FBXL7: variants seen among roughly 807,000 people sequenced by gnomAD.
The protein encoded by FBXL7 is F-box/LRR-repeat protein 7.
FBXL7 carries 12 observed loss-of-function variants against 38.3 expected under a neutral mutation model. That is an observed-to-expected ratio of 0.31 (90% CI 0.20 to 0.51). The LOEUF is 0.51. Ranked by LOEUF, FBXL7 falls within the 20% of genes least tolerant of loss-of-function variation. The pLI is 0.98. For missense variants in FBXL7, 567 were observed against 676.4 expected (o/e 0.84, Z 1.79); for synonymous variants, 297 against 300.9 (o/e 0.99, Z 0.13).
intron 2 of FBXL7, among the ~76,000 whole-genome samples, chr5:15,672,003 TG>T (rs1195839971): frequency 1.4e-4 from 22 of 152,356 alleles, no homozygotes; most frequent in African/African-American, 5.0e-4. Flanking sequence ...TCCCTGTTAC[TG>T]GGAGCTTCTA....
chr5:15,757,446 A>C (rs2964266), intron 2 of FBXL7, among the ~76,000 whole-genome samples: 79,637 of 151,272 alleles, frequency 0.53, 21,221 homozygotes, highest in East Asian at 0.67. Flanking sequence ...AATCTCAAAG[A>C]GAGTTATGGA....
At chr5:15,531,519 G>T (rs1365242776) in intron 1 of FBXL7, among the ~76,000 whole-genome samples, 2 of 152,182 alleles carry the variant, frequency 1.3e-5, no homozygotes, top group African/African-American at 4.8e-5. Flanking sequence ...TTCAGGAATG[G>T]CTGGTTGTTT....
intron 2 of FBXL7, among the ~76,000 whole-genome samples, chr5:15,739,223 G>T (rs1735833412): frequency 6.6e-6 from 1 of 151,782 alleles, no homozygotes; most frequent in Non-Finnish European, 1.5e-5. Flanking sequence ...CAGACTCCTT[G>T]CTGCTGACTT....
chr5:15,749,696 A>C (rs1736107998), intron 2 of FBXL7, among the ~76,000 whole-genome samples: 1 of 152,220 alleles, frequency 6.6e-6, no homozygotes, highest in Non-Finnish European at 1.5e-5. Context: ...ATCAGTAATG[A>C]AAATAGCTGA....
chr5:15,617,292 C>A (rs892844019), intron 2 of FBXL7, among the ~76,000 whole-genome samples: 4 of 152,142 alleles, frequency 2.6e-5, no homozygotes, highest in Non-Finnish European at 4.4e-5. Flanking sequence ...AGTGTTCTTT[C>A]TTTTCAGTGT....
chr5:15,888,384 C>T (rs911989092), intron 2 of FBXL7, among the ~76,000 whole-genome samples: 42 of 152,048 alleles, frequency 2.8e-4, no homozygotes, highest in African/African-American at 9.2e-4. Flanking sequence ...TGTGCCACCA[C>T]GCCTGGCTGA....
intron 1 of FBXL7, among the ~76,000 whole-genome samples, chr5:15,587,830 T>G (rs1739346666): frequency 6.6e-6 from 1 of 152,178 alleles, no homozygotes; most frequent in Non-Finnish European, 1.5e-5. Context: ...AATCTTAAAA[T>G]GGGTCAAATA....
chr5:15,712,454 C>T (rs1007250644), intron 2 of FBXL7, among the ~76,000 whole-genome samples: 1 of 151,558 alleles, frequency 6.6e-6, no homozygotes, highest in African/African-American at 2.4e-5. Context: ...TGGGCAATTG[C>T]ACAGAAGTAG....
chr5:15,740,221 T>C lies in FBXL7; in HGVS notation c.127+124149T>C, dbSNP rs1305460012. 2.0e-5 allele frequency among the ~76,000 whole-genome samples: 3 copies of C among 152,342 alleles called. No individual in the cohort carries two copies. The East Asian group carries it at 5.8e-4, about 29-fold the overall frequency. ...AAGCTCTCTCCAAAGAAAATGTATG[T>C]GAAGATCATTCTCTTAACTTCTAGC... is the stretch of plus-strand genomic sequence containing the variant. On this transcript the variant is annotated intron_variant, in intron 2 of 3. Coordinates refer to ENST00000504595, the MANE Select transcript of FBXL7 (RefSeq NM_012304.5).
At chr5:15,918,198 C>T (rs1409230600) in intron 2 of FBXL7, among the ~76,000 whole-genome samples, 1 of 152,030 alleles carries the variant, frequency 6.6e-6, no homozygotes, top group Non-Finnish European at 1.5e-5. Flanking sequence ...GAGATCATGC[C>T]ACTGCACTCC....
chr5:15,612,121 A>AC (rs920756393), intron 1 of FBXL7, among the ~76,000 whole-genome samples: 16 of 152,012 alleles, frequency 1.1e-4, no homozygotes, highest in African/African-American at 3.1e-4. Flanking sequence ...GACACAATCC[A>AC]CCCCCCCAAG....
chr5:15,679,555 A>ATT (rs1554014097), intron 2 of FBXL7, among the ~76,000 whole-genome samples: 1 of 97,924 alleles, frequency 1.0e-5, no homozygotes, highest in African/African-American at 3.6e-5. Context: ...AATATGCTTC[A>ATT]TTGTTTTTTT....
chr5:15,656,185 G>C (rs1262555933), intron 2 of FBXL7, among the ~76,000 whole-genome samples: 1 of 152,188 alleles, frequency 6.6e-6, no homozygotes, highest in African/African-American at 2.4e-5. Context: ...TTTTCACAAT[G>C]CTTGCTAAAG....
intron 2 of FBXL7, 94 bp from the exon 3 acceptor site, chr5:15,927,796 A>AACAC (rs1554034863): frequency 2.4e-6 from 2 of 821,496 alleles, no homozygotes; most frequent in Non-Finnish European, 3.3e-6. Context: ...AAGAAGAAGA[A>AACAC]AGAAAAGAAA....
At chr5:15,667,716 T>G (rs1310458431) in intron 2 of FBXL7, among the ~76,000 whole-genome samples, 1 of 152,202 alleles carries the variant, frequency 6.6e-6, no homozygotes, top group Non-Finnish European at 1.5e-5. Flanking sequence ...CACCCTATCT[T>G]GTAGGCTTAA....
intron 2 of FBXL7, among the ~76,000 whole-genome samples, chr5:15,744,221 T>C (rs1196537390): frequency 6.6e-6 from 1 of 152,242 alleles, no homozygotes; most frequent in African/African-American, 2.4e-5. Flanking sequence ...ATCATCAGGC[T>C]GCAAATTTTC....
At chr5:15,664,940 T>C (rs1377106259) in intron 2 of FBXL7, among the ~76,000 whole-genome samples, 1 of 151,916 alleles carries the variant, frequency 6.6e-6, no homozygotes, top group East Asian at 1.9e-4. Flanking sequence ...TTTTCACAGG[T>C]ATAGGATTCT....
intron 2 of FBXL7, among the ~76,000 whole-genome samples, chr5:15,775,084 TCA>T (rs1301324555): frequency 1.3e-5 from 2 of 152,308 alleles, no homozygotes; most frequent in African/African-American, 2.4e-5. Context: ...TAAAAACATT[TCA>T]CAGTTTACCA....
At chr5:15,865,232 C>T (rs914533309) in intron 2 of FBXL7, among the ~76,000 whole-genome samples, 5 of 152,138 alleles carry the variant, frequency 3.3e-5, no homozygotes, top group Non-Finnish European at 5.9e-5. Context: ...AACGCCCTGA[C>T]TGACAGCTCC....
Sources: gnomAD v4.1 joint callset for allele counts (sites outside exome capture counted in the v4.1 genomes callset) on GRCh38, gnomAD v4.1.1 for gene constraint, MANE v1.5 for transcripts, NCBI Gene and HGNC (gene_info 2026-07-23, HGNC 2026-07-21) for gene names.